MTMR12: variants seen among roughly 807,000 people sequenced by gnomAD.
MTMR12 encodes the protein myotubularin related protein 12, also known as myotubularin-related protein 12.
In MTMR12, 33 loss-of-function variants were observed where a neutral mutation model predicts 96.7. That is an observed-to-expected ratio of 0.34 (90% CI 0.26 to 0.46). The LOEUF (loss-of-function observed/expected upper bound fraction) is 0.46, where lower values mean the gene tolerates loss of function less well. Ranked by LOEUF, MTMR12 falls within the 20% of genes least tolerant of loss-of-function variation. The pLI is 1.00. For missense variants in MTMR12, 721 were observed against 896.1 expected (o/e 0.80, Z 2.49); for synonymous variants, 298 against 327.2 (o/e 0.91, Z 0.96).
At chr5:32,242,419 G>A (rs1378765828) in intron 11 of MTMR12, among the ~76,000 whole-genome samples, 1 of 152,168 alleles carries the variant, frequency 6.6e-6, no homozygotes, top group Non-Finnish European at 1.5e-5. Flanking sequence ...ACTCACGCCT[G>A]AGTCTGCTGG....
At chr5:32,296,898 C>T (rs749639179) in intron 1 of MTMR12, among the ~76,000 whole-genome samples, 40 of 151,420 alleles carry the variant, frequency 2.6e-4, no homozygotes, top group Non-Finnish European at 4.3e-4. Flanking sequence ...GTCAGGAGAT[C>T]GAAACCATCC....
At chr5:32,265,682 C>A (rs779651056) in intron 6 of MTMR12, among the ~76,000 whole-genome samples, 16 of 152,244 alleles carry the variant, frequency 1.1e-4, no homozygotes, top group Non-Finnish European at 2.9e-5. Context: ...TTATGTTCAA[C>A]CTAATATTAC....
At chr5:32,310,491 C>G (rs887853599) in intron 1 of MTMR12, among the ~76,000 whole-genome samples, 1 of 152,168 alleles carries the variant, frequency 6.6e-6, no homozygotes, top group South Asian at 2.1e-4. Context: ...AAGATCCTGT[C>G]ATTTGTAACA....
intron 1 of MTMR12, among the ~76,000 whole-genome samples, chr5:32,299,999 T>TGCCCC (rs1433110241): frequency 6.6e-6 from 1 of 152,176 alleles, no homozygotes; most frequent in African/African-American, 2.4e-5. Context: ...TCTTGCTCTG[T>TGCCCC]GCCCCCAGAG....
rs1179254114 is a variant in MTMR12 at position 32,227,730 on chromosome 5, T to C, written c.*2048A>G. 1 of 152,658 alleles carries C rather than the reference T, an allele frequency of 6.6e-6. No homozygotes were observed. Among genetic ancestry groups the C allele is most frequent in the Non-Finnish European group, 1.5e-5 (1 of 68,036 alleles). The allele number at this position is 152,658 out of a possible 1,614,324, so 9.5% of individuals were successfully genotyped here. The stretch of plus-strand genomic sequence containing the variant: ...CTAATTTAAGAAGGCCTATAGAATG[T>C]ATGTGAAGGTAGCTAAGGAACTAGT... On this transcript the variant is annotated 3_prime_UTR_variant, in exon 16 of 16. Coordinates refer to ENST00000382142, the MANE Select transcript of MTMR12 (RefSeq NM_001040446.3).
rs531855769 is a variant in MTMR12, at chr5:32,260,876, G to C, written c.713+2237C>G. Among the ~76,000 whole-genome samples, 4 of 151,714 alleles carry C rather than the reference G, an allele frequency of 2.6e-5. 1 individual carries two copies. The South Asian group carries it at 6.2e-4, about 24-fold the overall frequency. On this transcript the variant is annotated intron_variant, in intron 7 of 15. Transcript: ENST00000382142. ...GTATGAATCTGTTAGCAGGGTGTTA[G>C]GGAGTATGTTCCAAAATGATAACAT...
intron 1 of MTMR12, among the ~76,000 whole-genome samples, chr5:32,277,010 C>T (rs112873342): frequency 0.032 from 4,815 of 148,374 alleles, 264 homozygotes; most frequent in African/African-American, 0.11. Context: ...CTCAGCCTCC[C>T]AAGTAGCTGG....
At chr5:32,236,224 T>C (rs538024854) in intron 13 of MTMR12, among the ~76,000 whole-genome samples, 41 of 152,276 alleles carry the variant, frequency 2.7e-4, no homozygotes, top group Non-Finnish European at 4.9e-4. Flanking sequence ...TTAGACATGG[T>C]GCCTGCCAGT....
In MTMR12 at chr5:32,300,629, G is replaced by A. The variant is rs114292130; in HGVS notation, c.81+12129C>T. 3.2e-3 allele frequency among the ~76,000 whole-genome samples: 487 copies of A among 152,172 alleles called. 5 individuals carry two copies. The highest frequency in any genetic ancestry group is 3.9e-3 in the Non-Finnish European group (264 of 68,012). On this transcript the variant is annotated intron_variant, in intron 1 of 15. Coordinates refer to ENST00000382142, the MANE Select transcript of MTMR12 (RefSeq NM_001040446.3). Reference sequence around the variant, plus strand: ...AGATTACATCTGCCATACTTACTGCGCTCCTCAGGTACTACTTATAGGTAC... The same window carrying A: ...AGATTACATCTGCCATACTTACTGCACTCCTCAGGTACTACTTATAGGTAC...
chr5:32,267,345 C>T (rs953159991), intron 6 of MTMR12, among the ~76,000 whole-genome samples: 1 of 145,874 alleles, frequency 6.9e-6, no homozygotes, highest in Non-Finnish European at 1.5e-5. Flanking sequence ...CACTGCACTC[C>T]AGCCTGGGCG....
In MTMR12 at chr5:32,242,104, T is replaced by G. The variant is rs1173205102; in HGVS notation, c.1124A>C (p.Glu375Ala). 1 of 1,612,984 alleles carries G rather than the reference T, an allele frequency of 6.2e-7. No homozygotes were observed. The highest frequency in any genetic ancestry group is 1.1e-5 in the South Asian group (1 of 90,998). Residue 375 changes from glutamate to alanine, a missense_variant, in exon 12 of 16, where the codon GAG becomes GCG. Glu to Ala is a moderately radical substitution (Grantham distance 107). Coordinates refer to ENST00000382142, the MANE Select transcript of MTMR12 (RefSeq NM_001040446.3). ...IIRRCLKKAIEITECMEAQNM... is the reference protein window; with the variant it reads ...IIRRCLKKAIAITECMEAQNM... ...TTGTGCTTCCATACATTCTGTAATC[T>G]CTATTGCTTTTTTCAGGCAACGTCT...
chr5:32,246,776 A>C (rs114582251), intron 10 of MTMR12, among the ~76,000 whole-genome samples: 42 of 152,226 alleles, frequency 2.8e-4, no homozygotes, highest in Non-Finnish European at 4.7e-4. Context: ...CATAAATTCA[A>C]TATTTGTTTT....
At chr5:32,288,165 G>C (rs1750614097) in intron 1 of MTMR12, among the ~76,000 whole-genome samples, 1 of 152,168 alleles carries the variant, frequency 6.6e-6, no homozygotes, top group East Asian at 1.9e-4. Flanking sequence ...GGCATTCATG[G>C]GAAAAGAATG....
chr5:32,248,100 G>C lies in MTMR12; in HGVS notation c.923C>G (p.Pro308Arg). The C allele has an allele frequency of 6.2e-7, 1 of 1,613,850 alleles. No individual in the cohort carries two copies. Among genetic ancestry groups the C allele is most frequent in the Non-Finnish European group, 8.5e-7 (1 of 1,179,822 alleles). The change falls in exon 10 of 16, where the codon CCC (proline) becomes CGC (arginine). Residue 308 changes from proline (P) to arginine (R), a missense_variant. Coordinates refer to ENST00000382142, the MANE Select transcript of MTMR12 (RefSeq NM_001040446.3). Reference protein sequence around the residue: ...DGIYKTIHRPPYEIVKTEDLS... With the variant: ...DGIYKTIHRPRYEIVKTEDLS... ...GTCTTCCGTTTTAACAATTTCATAG[G>C]GTGGCCTGTGGATGGTCTTGTAAAT...
At chr5:32,277,938 A>C (rs553960271) in intron 1 of MTMR12, among the ~76,000 whole-genome samples, 14 of 152,342 alleles carry the variant, frequency 9.2e-5, no homozygotes, top group African/African-American at 1.7e-4. Context: ...TTGTCCATTC[A>C]AAGTTACCTA....
At position 32,276,631 on chromosome 5, in the gene MTMR12, T is replaced by A. The variant is rs545283926; in HGVS notation, c.142+51A>T. 34 of 1,476,690 alleles carry A rather than the reference T, an allele frequency of 2.3e-5. 1 individual carries two copies. In the South Asian group the frequency reaches 3.5e-4, roughly 15 times the overall value. The allele number at this position is 1,476,690 out of a possible 1,614,324, so 91.5% of individuals were successfully genotyped here. Reference sequence around the variant, plus strand: ...TAGCAAGGCTAGGGATGATGTAATTTATCATTGGCTTTGCCTTGCATAGGA... The same window carrying A: ...TAGCAAGGCTAGGGATGATGTAATTAATCATTGGCTTTGCCTTGCATAGGA... On this transcript the variant is annotated intron_variant, in intron 2 of 15. Coordinates refer to ENST00000382142, the MANE Select transcript of MTMR12 (RefSeq NM_001040446.3).
intron 1 of MTMR12, among the ~76,000 whole-genome samples, 170 bp from the exon 2 acceptor site, chr5:32,276,912 A>C (rs1325042964): frequency 2.0e-5 from 2 of 100,972 alleles, no homozygotes; most frequent in Non-Finnish European, 3.5e-5. Context: ...TTTGAGATGG[A>C]GTCTCACTCT....
intron 1 of MTMR12, chr5:32,309,835 T>C (rs1244052702): frequency 6.6e-6 from 1 of 152,164 alleles, no homozygotes; most frequent in Non-Finnish European, 1.5e-5. Context: ...AAATGGCTTA[T>C]ATCCAAAAAA....
intron 1 of MTMR12, among the ~76,000 whole-genome samples, chr5:32,288,432 G>A (rs1750626249): frequency 6.6e-6 from 1 of 152,108 alleles, no homozygotes; most frequent in Non-Finnish European, 1.5e-5. Flanking sequence ...TTCTCCTCAG[G>A]AGTCACCCCC....
Sources: gnomAD v4.1 joint callset for allele counts (sites outside exome capture counted in the v4.1 genomes callset) on GRCh38, gnomAD v4.1.1 for gene constraint, MANE v1.5 for transcripts, NCBI Gene and HGNC (gene_info 2026-07-23, HGNC 2026-07-21) for gene names.